SRPRA: variants seen among roughly 807,000 people sequenced by gnomAD.
SRPRA encodes signal recognition particle receptor subunit alpha.
A neutral mutation model predicts 61.1 loss-of-function variants in SRPRA; 30 were observed. That is an observed-to-expected ratio of 0.49 (90% CI 0.37 to 0.67). The LOEUF is 0.67. SRPRA is among the 30% of genes least tolerant of loss of function. SRPRA has a pLI of 0.00. For synonymous variants in SRPRA, 324 were observed against 299.7 expected (o/e 1.08, Z -0.84); for missense variants, 759 against 828.4 (o/e 0.92, Z 1.03).
the SRPRA span, among the ~76,000 whole-genome samples, chr11:126,244,848 A>C: frequency 6.6e-6 from 1 of 152,094 alleles, no homozygotes; most frequent in Non-Finnish European, 1.5e-5. The surrounding 1 kb of genome is among the most constrained non-coding windows in gnomAD (Gnocchi z 4.5). Context: ...TGAAAACTAC[A>C]AAACACTGAA....
At chr11:126,262,105 T>G, downstream of SRPRA, 1 of 1,614,136 alleles carries the variant, frequency 6.2e-7, no homozygotes, top group Middle Eastern at 1.6e-4. Flanking sequence ...TGTTCTCTTT[T>G]CTTTCTCCCT....
In SRPRA at chr11:126,267,793, CAG is replaced by C; in HGVS notation, c.202-83_202-82del. The C allele has an allele frequency of 1.3e-6, 2 of 1,575,860 alleles. No individual in the cohort carries two copies. Among genetic ancestry groups the C allele is most frequent in the South Asian group, 2.3e-5 (2 of 87,690 alleles). ...GGGACGCCAACTCAACCCTGGCTTT[CAG>C]AGATAGGTTCAGCTACCTGGCCGGT... On this transcript the variant is annotated intron_variant, in intron 2 of 13. Transcript: ENST00000332118. This position sits in a 1 kb window ranked among gnomAD's most constrained non-coding sequence, Gnocchi z 4.2.
intron 6 of SRPRA, 42 bp downstream of exon 6, chr11:126,266,434 A>G (rs770781689): frequency 1.9e-6 from 3 of 1,604,134 alleles, no homozygotes; most frequent in Non-Finnish European, 2.6e-6. Flanking sequence ...ACTTCCTCCC[A>G]ATTTGTTGTT....
the SRPRA span, among the ~76,000 whole-genome samples, chr11:126,245,689 C>T: frequency 4.6e-3 from 698 of 151,718 alleles, 4 homozygotes; most frequent in African/African-American, 0.015. Flanking sequence ...GTGAGACCCT[C>T]GGCTCTAAAA....
At chr11:126,255,490 T>TAC in the SRPRA span, among the ~76,000 whole-genome samples, 31 of 151,732 alleles carry the variant, frequency 2.0e-4, no homozygotes, top group East Asian at 5.8e-4. This position sits in a 1 kb window ranked among gnomAD's most constrained non-coding sequence, Gnocchi z 4.6. Context: ...TGTATATGTA[T>TAC]ACACACACAC....
chr11:126,254,409 C>T, the SRPRA span: 452 of 1,614,226 alleles, frequency 2.8e-4, 5 homozygotes, highest in East Asian at 7.2e-3. Context: ...GATATCAGAA[C>T]GTGCTCAGGA....
the SRPRA span, among the ~76,000 whole-genome samples, chr11:126,245,996 CAA>C: frequency 2.2e-4 from 18 of 82,202 alleles, no homozygotes; most frequent in Middle Eastern, 8.5e-3. Flanking sequence ...GACTCCGTCC[CAA>C]AAAAAAAAAA....
the SRPRA span, chr11:126,241,075 G>A: frequency 6.6e-7 from 1 of 1,515,288 alleles, no homozygotes; most frequent in Non-Finnish European, 8.8e-7. Flanking sequence ...CACAGTATTT[G>A]GAATTTCCTA....
Position 126,267,224 on chromosome 11 carries a change from C to CTTT in SRPRA, c.474_476dup (p.Lys159dup). The CTTT allele has an allele frequency of 6.2e-7, 1 of 1,614,068 alleles. No individual in the cohort carries two copies. Among genetic ancestry groups the CTTT allele is most frequent in the Non-Finnish European group, 8.5e-7 (1 of 1,180,032 alleles). On this transcript the variant is annotated inframe_insertion, in exon 4 of 14. Coordinates refer to ENST00000332118, the MANE Select transcript of SRPRA (RefSeq NM_003139.4). The surrounding 1 kb of genome is among the most constrained non-coding windows in gnomAD (Gnocchi z 4.2). Reference sequence around the variant, plus strand: ...TGCTATTCTTTGCTTTTTCCTTGGGCTTTTCCCCCCGTGTCTCAATCATGG... The same window carrying CTTT: ...TGCTATTCTTTGCTTTTTCCTTGGGCTTTTTTTCCCCCCGTGTCTCAATCATGG...
At chr11:126,262,057 G>A, downstream of SRPRA, 3 of 1,563,380 alleles carry the variant, frequency 1.9e-6, no homozygotes, top group Non-Finnish European at 2.6e-6. Context: ...AGTATCTGCA[G>A]CTTCCAATGT....
Position 126,267,686 on chromosome 11 carries a change from C to T in SRPRA, c.228G>A (p.Leu76=). Residue 76 remains leucine (L), a synonymous_variant, in exon 3 of 14, where the codon CTG becomes CTA. Transcript: ENST00000332118. The surrounding 1 kb of genome is among the most constrained non-coding windows in gnomAD (Gnocchi z 4.2). ...FVVGFQKILT[L]TYVDKLIDDV... is the part of the protein sequence containing the mutation. The stretch of plus-strand genomic sequence containing the variant: ...CATCTATCAATTTGTCTACATATGT[C>T]AGTGTCAGGATCTTCTGAAAACCAA... 2 of 1,614,108 alleles carry T rather than the reference C, an allele frequency of 1.2e-6. No individual in the cohort carries two copies. Among genetic ancestry groups the T allele is most frequent in the Non-Finnish European group, 1.7e-6 (2 of 1,180,038 alleles).
intron 6 of SRPRA, 77 bp from the exon 7 acceptor site, chr11:126,266,355 T>G: frequency 1.9e-6 from 3 of 1,590,930 alleles, no homozygotes; most frequent in Non-Finnish European, 2.6e-6. Flanking sequence ...GCTCTATCTC[T>G]TTCATTTTGG....
chr11:126,250,826 A>G, the SRPRA span: 1 of 985,306 alleles, frequency 1.0e-6, no homozygotes, highest in Non-Finnish European at 1.5e-6. The surrounding 1 kb of genome is among the most constrained non-coding windows in gnomAD (Gnocchi z 5.1). Context: ...GTATTTATGT[A>G]GAGCTAGAAA....
Position 126,265,808 on chromosome 11 carries a change from G to A in SRPRA, c.1067C>T (p.Ala356Val), listed in dbSNP as rs760393499. 6 of 1,614,232 alleles carry A rather than the reference G, an allele frequency of 3.7e-6. No homozygotes were observed. The highest frequency in any genetic ancestry group is 2.2e-5 in the East Asian group (1 of 44,892). Residue 356 changes from alanine (A) to valine (V), a missense_variant, in exon 9 of 14, where the codon GCA becomes GTA. Physicochemically the swap from Ala to Val is moderately conservative, Grantham distance 64. Around this residue, in one of 2 missense-constraint regions of SRPRA, gnomAD observed 475 missense variants for 462.5 expected, o/e 1.03. Coordinates refer to ENST00000332118, the MANE Select transcript of SRPRA (RefSeq NM_003139.4). The surrounding 1 kb of genome is among the most constrained non-coding windows in gnomAD (Gnocchi z 6.3). Reference sequence around the variant, plus strand: ...TTCACAGAGCTGGACGGCAATGTCTGCAGCCACGTTCTTAGCTGAGGAGAG... The same window carrying A: ...TTCACAGAGCTGGACGGCAATGTCTACAGCCACGTTCTTAGCTGAGGAGAG... The part of the protein sequence containing the change: ...RDHLIAKNVA[A>V]DIAVQLCESV...
the SRPRA span, among the ~76,000 whole-genome samples, chr11:126,249,485 CA>C: frequency 0.19 from 28,146 of 151,876 alleles, 2,921 homozygotes; most frequent in Non-Finnish European, 0.25. Context: ...GTAATCCCAG[CA>C]CTTTGGGAGG....
At chr11:126,255,458 G>A in the SRPRA span, among the ~76,000 whole-genome samples, 1 of 152,080 alleles carries the variant, frequency 6.6e-6, no homozygotes, top group Non-Finnish European at 1.5e-5. This position sits in a 1 kb window ranked among gnomAD's most constrained non-coding sequence, Gnocchi z 4.6. Flanking sequence ...CCCTTAGGCA[G>A]TCATTTCTGT....
In SRPRA at chr11:126,263,142, A is replaced by G. The variant is rs1046875732; in HGVS notation, c.*774T>C. 3.9e-5 allele frequency: 6 copies of G among 152,582 alleles called. No individual in the cohort carries two copies. The highest frequency in any genetic ancestry group is 3.9e-4 in the Admixed American group (6 of 15,278). 9.5% of individuals were successfully genotyped at this position (152,582 alleles called of 1,614,324 possible). ...AAAGCCAGGACTGCTTAGGAGGTGA[A>G]GGATGGGAGGGGAGGGGGTCATCAT... On this transcript the variant is annotated 3_prime_UTR_variant, in exon 14 of 14. Coordinates refer to ENST00000332118, the MANE Select transcript of SRPRA (RefSeq NM_003139.4).
the SRPRA span, among the ~76,000 whole-genome samples, chr11:126,251,552 A>G: frequency 6.6e-6 from 1 of 152,144 alleles, no homozygotes. Flanking sequence ...CTCTGGTCCA[A>G]GTGTCTTCCG....
Position 126,266,011 on chromosome 11 carries a change from G to T in SRPRA, c.1003C>A (p.Arg335Ser), listed in dbSNP as rs143514827. The T allele has an allele frequency of 4.3e-6, 7 of 1,614,016 alleles. No individual in the cohort carries two copies. Among genetic ancestry groups the T allele is most frequent in the Non-Finnish European group, 4.2e-6 (5 of 1,180,054 alleles). Residue 335 changes from arginine (R) to serine (S), a missense_variant, in exon 8 of 14, where the codon CGT becomes AGT. Physicochemically the swap from Arg to Ser is moderately radical, Grantham distance 110 (BLOSUM62 -1). Around this residue, in one of 2 missense-constraint regions of SRPRA, gnomAD observed 475 missense variants for 462.5 expected, o/e 1.03. Transcript: ENST00000332118. ...KGLVGSKSLS[R>S]EDMESVLDKM... ...TCCAGCACAGATTCCATGTCTTCAC[G>T]ACTCAAGCTCTTTGAACCCACAAGG... is the stretch of plus-strand genomic sequence containing the variant.
Sources: gnomAD v4.1 joint callset for allele counts (sites outside exome capture counted in the v4.1 genomes callset) on GRCh38, gnomAD v4.1.1 for gene constraint, gnomAD v4.1.1 regional missense constraint, Gnocchi (gnomAD v3.1) non-coding constraint, MANE v1.5 for transcripts, NCBI Gene and HGNC (gene_info 2026-07-23, HGNC 2026-07-21) for gene names.